MYO15B: variants seen among roughly 807,000 people sequenced by gnomAD.
MYO15B encodes the protein myosin XVB.
Under a neutral mutation model 119.3 loss-of-function variants are expected in MYO15B, and 207 were observed. The ratio of observed to expected loss-of-function variants is 1.73; its 90% CI spans 1.55 to 1.95. MYO15B has a LOEUF of 1.95. Ranked by LOEUF, MYO15B falls within the 30% of genes most tolerant of loss-of-function variation. The pLI is 0.00. For missense variants in MYO15B, 2,264 were observed against 1,203.1 expected (o/e 1.88, Z -13.04); for synonymous variants, 966 against 498.9 (o/e 1.94, Z -12.48).
chr17:75,591,986 A>G (rs736523), exon 6 of MYO15B: 407,102 of 702,150 alleles, frequency 0.58, 120,431 homozygotes, highest in Middle Eastern at 0.68. Context: ...GGTGGAGGAT[A>G]TGCTGCCTAT....
In MYO15B at chr17:75,625,838, C is replaced by T. The variant is rs2059017833; in HGVS notation, c.8939-6C>T. On this transcript the variant is annotated splice_region_variant and splice_polypyrimidine_tract_variant and intron_variant, in intron 61 of 63. Transcript: ENST00000645453. ...GATTTCCTGCCTGCACCCTCTCCAC[C>T]CGCAGAGGCCATGAGCCAGCTGCCC... The T allele has an allele frequency of 1.4e-6, 1 of 702,620 alleles. No homozygotes were observed. Among genetic ancestry groups the T allele is most frequent in the African/African-American group, 1.7e-5 (1 of 57,264 alleles). The allele number at this position is 702,620 out of a possible 1,614,324, so 43.5% of individuals were successfully genotyped here.
exon 38 of MYO15B, chr17:75,616,408 A>T: frequency 9.6e-6 from 6 of 624,484 alleles, no homozygotes; most frequent in Middle Eastern, 2.6e-4. Context: ...GAGGAGGAGG[A>T]GGAGGAGCAG....
At chr17:75,593,085 C>T (rs2056583254) in intron 9 of MYO15B, 1 of 430,012 alleles carries the variant, frequency 2.3e-6, no homozygotes, top group African/African-American at 2.0e-5. Flanking sequence ...TATGGTCAGG[C>T]ATGGTGGGTC....
At chr17:75,597,514 T>C (rs1178064285) in intron 14 of MYO15B, among the ~76,000 whole-genome samples, 6 of 152,152 alleles carry the variant, frequency 3.9e-5, no homozygotes, top group African/African-American at 9.7e-5. Context: ...AAGGAAATAA[T>C]GAATGAATGA....
rs2058137847 is a variant in MYO15B, at chr17:75,613,213, AG to A, written c.4967+8del. 3 of 690,350 alleles carry A rather than the reference AG, an allele frequency of 4.3e-6. No homozygotes were observed. The East Asian group carries it at 8.1e-5, about 19-fold the overall frequency. The allele number at this position is 690,350 out of a possible 1,614,324, so 42.8% of individuals were successfully genotyped here. A position where few individuals can be genotyped will look rare whatever the true frequency, so the allele number is the denominator to read the frequency against. Reference sequence around the variant, plus strand: ...TCCTACAGAAGCCACTGCTCAAGTAAGGGGCCTGGGAGGTGGGGACCTGGCA... The same window carrying A: ...TCCTACAGAAGCCACTGCTCAAGTAAGGGCCTGGGAGGTGGGGACCTGGCA... On this transcript the variant is annotated splice_donor_5th_base_variant and intron_variant, in intron 27 of 63. Coordinates refer to ENST00000645453, the Ensembl canonical transcript of MYO15B.
chr17:75,606,181 C>G (rs1346850600), intron 21 of MYO15B, 160 bp downstream of exon 21: 1 of 542,694 alleles, frequency 1.8e-6, no homozygotes, highest in Admixed American at 3.2e-5. Flanking sequence ...CGGCATTACC[C>G]CCCATACCCG....
intron 14 of MYO15B, among the ~76,000 whole-genome samples, chr17:75,600,136 C>T (rs1386318583): frequency 6.7e-6 from 1 of 149,600 alleles, no homozygotes; most frequent in Non-Finnish European, 1.5e-5. Context: ...ACGCCATTCT[C>T]CTGCCTCAGC....
rs2056555155 is a variant in MYO15B, at chr17:75,592,672, T to C, written c.2830-7T>C. The C allele has an allele frequency of 2.9e-6, 2 of 699,028 alleles. No homozygotes were observed. The highest frequency in any genetic ancestry group is 5.2e-6 in the Non-Finnish European group (2 of 383,826). 43.3% of individuals were successfully genotyped at this position (699,028 alleles called of 1,614,324 possible). On this transcript the variant is annotated splice_region_variant and splice_polypyrimidine_tract_variant and intron_variant, in intron 8 of 63. Transcript: ENST00000645453. ...CCCCGCTCCCTCACCCCTGCTGTGC[T>C]CTGCAGGGCCAGGCCTGCAGGCTGC...
chr17:75,617,096 C>G lies in MYO15B; in HGVS notation c.6606C>G (p.Pro2202=), dbSNP rs1438350131. 4 of 678,040 alleles carry G rather than the reference C, an allele frequency of 5.9e-6. No individual in the cohort carries two copies. In the East Asian group the frequency reaches 1.1e-4, roughly 18 times the overall value. 42.0% of individuals were successfully genotyped at this position (678,040 alleles called of 1,614,324 possible). The change falls in exon 41 of 64, where the codon CCC becomes CCG. Residue 2202 remains proline (P), a synonymous_variant. Transcript: ENST00000645453. ...CCGTATCCCCCCAGATGCTGTCCCC[C>G]AGCCCAGGAAAGGGCCCCCCGCCAG...
At chr17:75,603,221 G>C in exon 19 of MYO15B, 1 of 703,076 alleles carries the variant, frequency 1.4e-6, no homozygotes, top group Non-Finnish European at 2.6e-6. Flanking sequence ...ACATGTGACA[G>C]AGCAACTGCA....
In MYO15B at chr17:75,594,457, C is replaced by T. The variant is rs1598721172; in HGVS notation, c.2992-18C>T. The stretch of plus-strand genomic sequence containing the variant: ...ATTCCTGAAGCAGAGATCTCCCTGT[C>T]CCTCCCTCTCTGTGTAGCGAGAGTC... On this transcript the variant is annotated intron_variant, in intron 9 of 63. Coordinates refer to ENST00000645453, the Ensembl canonical transcript of MYO15B. 2 of 595,404 alleles carry T rather than the reference C, an allele frequency of 3.4e-6. No homozygotes were observed. Among genetic ancestry groups the T allele is most frequent in the Non-Finnish European group, 6.0e-6 (2 of 332,748 alleles). 36.9% of individuals were successfully genotyped at this position (595,404 alleles called of 1,614,324 possible). A position where few individuals can be genotyped will look rare whatever the true frequency, so the allele number is the denominator to read the frequency against.
exon 40 of MYO15B, chr17:75,616,913 C>T (rs370045832): frequency 7.5e-5 from 53 of 702,870 alleles, no homozygotes; most frequent in Middle Eastern, 2.3e-4. Context: ...ACCCCAAGGA[C>T]GAGGCTCTGG....
At chr17:75,588,976 G>T (rs929474108) in exon 1 of MYO15B, 1 of 398,046 alleles carries the variant, frequency 2.5e-6, no homozygotes, top group Non-Finnish European at 4.4e-6. Context: ...GGTCGGAAAG[G>T]CGGTGGGGCA....
chr17:75,587,999 A>G (rs1020706377), exon 1 of MYO15B: 8 of 397,916 alleles, frequency 2.0e-5, no homozygotes, highest in African/African-American at 1.2e-4. Context: ...CGGGAGGCCA[A>G]ATCCCCGGGG....
chr17:75,619,374 C>T (rs560193725), exon 45 of MYO15B: 1 of 702,568 alleles, frequency 1.4e-6, no homozygotes, highest in African/African-American at 1.7e-5. Flanking sequence ...TGGAGGTGGA[C>T]CTGGATTCTC....
chr17:75,594,914 C>G (rs1226960466), exon 12 of MYO15B: 6 of 703,070 alleles, frequency 8.5e-6, no homozygotes, highest in Non-Finnish European at 1.6e-5. Context: ...CGGCTGGCAC[C>G]ACCAGGGGAG....
intron 22 of MYO15B, chr17:75,610,608 G>A (rs1342462661): frequency 1.3e-5 from 7 of 547,228 alleles, no homozygotes; most frequent in Admixed American, 3.1e-5. Context: ...CAATGCCCAC[G>A]TGCTACCCCC....
intron 12 of MYO15B, 35 bp from the exon 13 acceptor site, chr17:75,596,425 C>G: frequency 1.4e-6 from 1 of 702,468 alleles, no homozygotes; most frequent in South Asian, 1.5e-5. Flanking sequence ...GAGGGCACAG[C>G]CCCATGTGCC....
In MYO15B at chr17:75,589,916, C is replaced by T. The variant is rs79599625; in HGVS notation, c.1859C>T (p.Ser620Phe). The T allele has an allele frequency of 5.3e-5, 21 of 398,512 alleles. No individual in the cohort carries two copies. Among genetic ancestry groups the T allele is most frequent in the Non-Finnish European group, 7.5e-5 (17 of 226,018 alleles). The allele number at this position is 398,512 out of a possible 1,614,324, so 24.7% of individuals were successfully genotyped here. ...GGGCCTTCCCTCGACGAGAGCGGCTCCAGCAGTGAGGCGGAGTTGGAGACC... is the reference window on the plus strand; with the variant it reads ...GGGCCTTCCCTCGACGAGAGCGGCTTCAGCAGTGAGGCGGAGTTGGAGACC... Residue 620 changes from serine to phenylalanine, a missense_variant, in exon 1 of 64, where the codon TCC (serine) becomes TTC (phenylalanine). Coordinates refer to ENST00000645453, the Ensembl canonical transcript of MYO15B. This position sits in a 1 kb window ranked among gnomAD's most constrained non-coding sequence, Gnocchi z 4.2.
Sources: allele counts gnomAD v4.1 joint callset (sites outside exome capture counted in the v4.1 genomes callset), GRCh38; gene constraint gnomAD v4.1.1; non-coding constraint Gnocchi (gnomAD v3.1); transcripts MANE v1.5; gene names NCBI Gene and HGNC (gene_info 2026-07-23, HGNC 2026-07-21).